GRIN3A: variants seen among roughly 807,000 people sequenced by gnomAD.
GRIN3A encodes glutamate ionotropic receptor NMDA type subunit 3A, also known as glutamate receptor ionotropic, NMDA 3A.
A neutral mutation model predicts 92.4 loss-of-function variants in GRIN3A; 47 were observed. The ratio of observed to expected loss-of-function variants is 0.51; its 90% CI spans 0.40 to 0.65. The LOEUF (loss-of-function observed/expected upper bound fraction) is 0.65. Ranked by LOEUF, GRIN3A falls within the 30% of genes least tolerant of loss-of-function variation. The pLI is 0.00. For synonymous variants in GRIN3A, 527 were observed against 540.6 expected (o/e 0.97, Z 0.35); for missense variants, 1,324 against 1,393.1 (o/e 0.95, Z 0.79).
chr9:101,629,882 T>C (rs1828689251), intron 3 of GRIN3A, among the ~76,000 whole-genome samples: 1 of 152,194 alleles, frequency 6.6e-6, no homozygotes, highest in Admixed American at 6.5e-5. Flanking sequence ...TCAGAACCCA[T>C]GTCTATCTTA....
intron 1 of GRIN3A, among the ~76,000 whole-genome samples, chr9:101,708,701 T>C (rs547289145): frequency 6.6e-6 from 1 of 152,206 alleles, no homozygotes; most frequent in South Asian, 2.1e-4. Context: ...AATAATGGAG[T>C]AGTGATTTGT....
chr9:101,680,764 G>C (rs1829457266), intron 2 of GRIN3A, among the ~76,000 whole-genome samples: 1 of 152,146 alleles, frequency 6.6e-6, no homozygotes, highest in African/African-American at 2.4e-5. Flanking sequence ...TCCAGACAAG[G>C]GCTTGACCTT....
intron 6 of GRIN3A, among the ~76,000 whole-genome samples, chr9:101,607,601 A>G (rs537276062): frequency 6.6e-6 from 1 of 152,288 alleles, no homozygotes; most frequent in East Asian, 1.9e-4. Flanking sequence ...CATTTTATTT[A>G]CTTCACACAA....
chr9:101,624,735 T>C (rs1221465673), intron 4 of GRIN3A, among the ~76,000 whole-genome samples: 1 of 152,182 alleles, frequency 6.6e-6, no homozygotes, highest in Non-Finnish European at 1.5e-5. Flanking sequence ...TTTGGGTATA[T>C]ACCCAGTAAT....
chr9:101,687,590 G>A (rs1334592144), intron 1 of GRIN3A, among the ~76,000 whole-genome samples: 1 of 152,272 alleles, frequency 6.6e-6, no homozygotes, highest in Non-Finnish European at 1.5e-5. Flanking sequence ...ACGCAATAAG[G>A]AGAAGAAATT....
chr9:101,576,004 C>G (rs1827821145), intron 8 of GRIN3A, among the ~76,000 whole-genome samples: 1 of 152,158 alleles, frequency 6.6e-6, no homozygotes, highest in African/African-American at 2.4e-5. Context: ...CTAGTATCAC[C>G]AGGCATCTGA....
At chr9:101,631,139 T>C (rs1281905922) in intron 3 of GRIN3A, among the ~76,000 whole-genome samples, 1 of 152,224 alleles carries the variant, frequency 6.6e-6, no homozygotes, top group Admixed American at 6.5e-5. Flanking sequence ...GACTCTCAGT[T>C]TCTTCACTAA....
At chr9:101,594,427 C>T (rs771115576) in intron 6 of GRIN3A, 6 of 1,609,472 alleles carry the variant, frequency 3.7e-6, no homozygotes, top group Non-Finnish European at 5.1e-6. Context: ...TGAGGACCAG[C>T]TTCTTGTGGA....
chr9:101,672,040 G>T (rs1026534090), intron 2 of GRIN3A, among the ~76,000 whole-genome samples: 4 of 152,144 alleles, frequency 2.6e-5, no homozygotes, highest in African/African-American at 9.7e-5. Context: ...ATATAAGCTT[G>T]TGGCATATTA....
At chr9:101,616,815 G>A (rs570847732) in intron 5 of GRIN3A, among the ~76,000 whole-genome samples, 64 of 147,452 alleles carry the variant, frequency 4.3e-4, no homozygotes, top group Non-Finnish European at 7.6e-4. Context: ...TGGGTGCAGT[G>A]CACCAGCACG....
intron 5 of GRIN3A, among the ~76,000 whole-genome samples, chr9:101,619,938 C>T (rs73659569): frequency 0.12 from 18,341 of 152,168 alleles, 1,958 homozygotes; most frequent in African/African-American, 0.29. Flanking sequence ...CACATGCTTT[C>T]GCATCCTTAA....
chr9:101,724,582 C>T (rs568259516), intron 1 of GRIN3A, among the ~76,000 whole-genome samples: 1 of 152,350 alleles, frequency 6.6e-6, no homozygotes, highest in Admixed American at 6.5e-5. Flanking sequence ...CTGCAGGGCT[C>T]CACAAGTGCC....
At chr9:101,628,861 C>T (rs1260002236) in intron 3 of GRIN3A, among the ~76,000 whole-genome samples, 5 of 150,034 alleles carry the variant, frequency 3.3e-5, no homozygotes, top group South Asian at 2.1e-4. Flanking sequence ...TTGTGTTTAG[C>T]CACCTTTAGG....
chr9:101,665,028 T>C (rs76479992), intron 3 of GRIN3A, among the ~76,000 whole-genome samples: 11,133 of 148,378 alleles, frequency 0.075, 534 homozygotes, highest in East Asian at 0.22. Context: ...TTATAAGTGG[T>C]GTTTAGATTC....
At chr9:101,577,979 T>TAA in intron 7 of GRIN3A, 135 bp from the exon 8 acceptor site, 1 of 680,974 alleles carries the variant, frequency 1.5e-6, no homozygotes, top group Admixed American at 2.2e-5. Flanking sequence ...CAGAAATGCC[T>TAA]AAAAATAGAT....
chr9:101,686,787 G>C lies in GRIN3A; in HGVS notation c.1113C>G (p.Pro371=). Residue 371 remains proline (P), a synonymous_variant, in exon 2 of 9, where the codon CCC becomes CCG. Coordinates refer to ENST00000361820, the MANE Select transcript of GRIN3A (RefSeq NM_133445.3). ...NVEELRTEGL[P]LGLIAHGKTT... ...TTTTTCCATGAGCAATGAGCCCTAA[G>C]GGCAGACCCTCTGTCCTCAGTTCCT... 6.2e-7 allele frequency: 1 copy of C among 1,614,150 alleles called. No homozygotes were observed. Among genetic ancestry groups the C allele is most frequent in the Non-Finnish European group, 8.5e-7 (1 of 1,180,012 alleles).
chr9:101,698,859 G>A (rs1204058327), intron 1 of GRIN3A, among the ~76,000 whole-genome samples: 1 of 151,910 alleles, frequency 6.6e-6, no homozygotes, highest in Non-Finnish European at 1.5e-5. Context: ...TAGTAGAGAT[G>A]GGGTTTCACC....
At chr9:101,705,273 A>G (rs1043769968) in intron 1 of GRIN3A, among the ~76,000 whole-genome samples, 2 of 152,028 alleles carry the variant, frequency 1.3e-5, no homozygotes, top group Non-Finnish European at 2.9e-5. Context: ...CAGAGAACAG[A>G]AGAGGGAGGC....
At chr9:101,689,778 A>G (rs1039402689) in intron 1 of GRIN3A, among the ~76,000 whole-genome samples, 7 of 151,610 alleles carry the variant, frequency 4.6e-5, no homozygotes, top group African/African-American at 1.2e-4. Context: ...ACACACAAAG[A>G]TTATGAAAAC....
Sources: allele counts gnomAD v4.1 joint callset (sites outside exome capture counted in the v4.1 genomes callset), GRCh38; gene constraint gnomAD v4.1.1; transcripts MANE v1.5; gene names NCBI Gene and HGNC (gene_info 2026-07-23, HGNC 2026-07-21).